KANK1: variants seen among roughly 807,000 people sequenced by gnomAD.
KANK1 encodes KN motif and ankyrin repeat domains 1.
In KANK1, 109 loss-of-function variants were observed where a neutral mutation model predicts 106.2. The observed-to-expected ratio is 1.03, with a 90% CI of 0.88 to 1.20. KANK1 has a LOEUF of 1.20. Ranked by LOEUF, KANK1 falls within the 50% of genes most tolerant of loss-of-function variation. The pLI is 0.00. For missense variants in KANK1, 2,399 were observed against 1,710.7 expected, an observed-to-expected ratio of 1.40 and a Z score of -7.10; for synonymous variants, 873 against 652.2, an observed-to-expected ratio of 1.34 and a Z score of -5.16.
Position 731,250 on chromosome 9 carries a change from G to T in KANK1, c.2989G>T (p.Val997Phe). The T allele has an allele frequency of 6.2e-7, 1 of 1,602,394 alleles. No homozygotes were observed. The highest frequency in any genetic ancestry group is 1.1e-5 in the South Asian group (1 of 90,650). ...SNGAKKNLQF[V>F]GINGGYETTS... is the part of the protein sequence containing the mutation. ...TGGCGCAAAAAAGAATCTTCAGTTT[G>T]TTGGCATTAATGGAGGGTAAGGAAA... Residue 997 changes from valine (V) to phenylalanine (F), a missense_variant, in exon 5 of 12, where the codon GTT (valine) becomes TTT (phenylalanine). Transcript: ENST00000382297.
In KANK1 at chr9:745,261, C is replaced by T. The variant is rs1406487431; in HGVS notation, c.*26C>T. On this transcript the variant is annotated 3_prime_UTR_variant, in exon 12 of 12. Transcript: ENST00000382297. ...TTGTATGCAAATAGCCCTTTATTTACATGCCACTATTAAGCTGCTAATTGT... is the reference window on the plus strand; with the variant it reads ...TTGTATGCAAATAGCCCTTTATTTATATGCCACTATTAAGCTGCTAATTGT... 2 of 1,613,708 alleles carry T rather than the reference C, an allele frequency of 1.2e-6. No individual in the cohort carries two copies. The highest frequency in any genetic ancestry group is 1.1e-5 in the South Asian group (1 of 91,064).
chr9:698,569 A>G (rs1402422598), intron 2 of KANK1, among the ~76,000 whole-genome samples: 1 of 152,204 alleles, frequency 6.6e-6, no homozygotes. Context: ...AGCCCAGAGT[A>G]GCTGGAATTT....
chr9:737,850 A>G (rs770742662), intron 7 of KANK1, among the ~76,000 whole-genome samples: 2 of 152,246 alleles, frequency 1.3e-5, no homozygotes, highest in African/African-American at 2.4e-5. Context: ...CAAGGCCAGT[A>G]TGATTACATC....
intron 2 of KANK1, among the ~76,000 whole-genome samples, chr9:678,638 A>C (rs1354483868): frequency 6.6e-6 from 1 of 152,134 alleles, no homozygotes; most frequent in South Asian, 2.1e-4. Flanking sequence ...TAAGACAGGA[A>C]TGGCTGGAAC....
At chr9:741,885 C>T (rs963305244) in intron 9 of KANK1, among the ~76,000 whole-genome samples, 1 of 152,094 alleles carries the variant, frequency 6.6e-6, no homozygotes, top group Admixed American at 6.6e-5. Context: ...TCCCAAAGTG[C>T]TAGGGTTACA....
intron 1 of KANK1, among the ~76,000 whole-genome samples, chr9:522,283 C>T (rs537821581): frequency 4.6e-5 from 7 of 151,510 alleles, no homozygotes; most frequent in Non-Finnish European, 7.4e-5. Flanking sequence ...TGAAAGATGC[C>T]GCAAGTGTTT....
At chr9:704,390 C>T (rs1019342381) in intron 2 of KANK1, among the ~76,000 whole-genome samples, 1 of 152,180 alleles carries the variant, frequency 6.6e-6, no homozygotes. Context: ...GTGTTCTAGT[C>T]ATCACATCTG....
At chr9:700,424 G>A (rs925414886) in intron 2 of KANK1, among the ~76,000 whole-genome samples, 2 of 152,278 alleles carry the variant, frequency 1.3e-5, no homozygotes, top group East Asian at 3.9e-4. Flanking sequence ...GTTGTACTTC[G>A]CTGTCTTCTT....
At chr9:521,784 T>A (rs1461234862) in intron 1 of KANK1, among the ~76,000 whole-genome samples, 1 of 151,484 alleles carries the variant, frequency 6.6e-6, no homozygotes, top group Non-Finnish European at 1.5e-5. Flanking sequence ...GCCAGGCTGG[T>A]CTCGAACTCC....
chr9:662,786 C>T (rs1280503529), intron 1 of KANK1, among the ~76,000 whole-genome samples: 12 of 151,890 alleles, frequency 7.9e-5, no homozygotes, highest in Admixed American at 3.9e-4. Flanking sequence ...CTCAGTCTCC[C>T]GAGTAGCTGG....
intron 3 of KANK1, among the ~76,000 whole-genome samples, chr9:720,595 A>G (rs539333101): frequency 3.3e-5 from 5 of 152,186 alleles, no homozygotes; most frequent in Admixed American, 6.5e-5. Context: ...GGCTCAAGCA[A>G]TTAACCTACC....
Position 745,221 on chromosome 9 carries a change from G to C in KANK1, c.4045G>C (p.Gly1349Arg), listed in dbSNP as rs773374326. Residue 1349 changes from glycine to arginine, a missense_variant, in exon 12 of 12, where the codon GGT becomes CGT. Coordinates refer to ENST00000382297, the MANE Select transcript of KANK1 (RefSeq NM_015158.5). ...GACGTCTCCTGGCCCCACCCACCGA[G>C]GTTCATTTGATTGATTGTATGCAAA... is the stretch of plus-strand genomic sequence containing the variant. The part of the protein sequence containing the change: ...RKTSPGPTHR[G>R]SFD 7 of 1,614,040 alleles carry C rather than the reference G, an allele frequency of 4.3e-6. No homozygotes were observed. The highest frequency in any genetic ancestry group is 5.9e-6 in the Non-Finnish European group (7 of 1,179,974).
intron 3 of KANK1, among the ~76,000 whole-genome samples, chr9:482,788 T>G (rs2058228178): frequency 6.6e-6 from 1 of 152,248 alleles, no homozygotes; most frequent in Non-Finnish European, 1.5e-5. Flanking sequence ...TCGCTGACTC[T>G]TCAGACGCAG....
intron 1 of KANK1, chr9:549,071 GTTTCT>G (rs934477321): frequency 2.6e-5 from 4 of 151,618 alleles, no homozygotes; most frequent in African/African-American, 4.8e-5. Flanking sequence ...TAATTCTAAA[GTTTCT>G]TTTCTTTTTT....
intron 3 of KANK1, among the ~76,000 whole-genome samples, chr9:726,235 TTCTTC>T (rs1014953371): frequency 8.5e-5 from 13 of 152,254 alleles, no homozygotes; most frequent in African/African-American, 3.1e-4. Flanking sequence ...AGGCCAGCCT[TTCTTC>T]TCTTGGTGGG....
intron 1 of KANK1, among the ~76,000 whole-genome samples, chr9:661,068 C>G (rs191938218): frequency 8.8e-5 from 11 of 124,598 alleles, no homozygotes; most frequent in Non-Finnish European, 1.6e-4. Flanking sequence ...AAGTAACCAA[C>G]TGGTTTTGAG....
intron 1 of KANK1, among the ~76,000 whole-genome samples, chr9:589,708 A>T (rs1824366421): frequency 6.6e-6 from 1 of 152,202 alleles, no homozygotes; most frequent in Admixed American, 6.5e-5. Context: ...AGGAACATTA[A>T]GAGGGCTGAA....
chr9:730,404 C>A, intron 4 of KANK1, 156 bp downstream of exon 4: 1 of 828,698 alleles, frequency 1.2e-6, no homozygotes, highest in Non-Finnish European at 1.9e-6. Flanking sequence ...ATAAGGTTAC[C>A]AAAGAGGCCG....
chr9:559,947 TA>T (rs1262468979), intron 1 of KANK1, among the ~76,000 whole-genome samples: 1 of 152,236 alleles, frequency 6.6e-6, no homozygotes, highest in Non-Finnish European at 1.5e-5. Context: ...GTATTATAGT[TA>T]TTTGTATTGT....
Sources: allele counts gnomAD v4.1 joint callset (sites outside exome capture counted in the v4.1 genomes callset), GRCh38; gene constraint gnomAD v4.1.1; transcripts MANE v1.5; gene names NCBI Gene and HGNC (gene_info 2026-07-23, HGNC 2026-07-21).